The following FAM107B variants were observed in gnomAD, a reference collection of about 807,000 sequenced individuals.
FAM107B encodes the protein protein FAM107B.
A neutral mutation model predicts 31.5 loss-of-function variants in FAM107B; 21 were observed. The ratio of observed to expected loss-of-function variants is 0.67; its 90% confidence interval spans 0.47 to 0.96. The LOEUF is 0.96. Among genes scored for constraint, FAM107B ranks in the 40% least tolerant of loss-of-function variants. The pLI, the probability that FAM107B is intolerant of heterozygous loss-of-function variation, is 0.00. For missense variants in FAM107B, 452 were observed against 377.1 expected (o/e 1.20, Z -1.64); for synonymous variants, 157 against 141.5 (o/e 1.11, Z -0.78).
At chr10:14,677,445 C>T (rs1854711474) in intron 1 of FAM107B, among the ~76,000 whole-genome samples, 1 of 152,092 alleles carries the variant, frequency 6.6e-6, no homozygotes, top group Non-Finnish European at 1.5e-5. Context: ...CACACTGAAA[C>T]CCCGTCTCCA....
intron 1 of FAM107B, among the ~76,000 whole-genome samples, chr10:14,691,877 G>C (rs943685943): frequency 1.5e-5 from 2 of 137,570 alleles, no homozygotes; most frequent in African/African-American, 5.6e-5. Flanking sequence ...CTGAGCTACA[G>C]AGTGAGACTC....
chr10:14,610,497 C>A (rs1852700809), intron 2 of FAM107B, among the ~76,000 whole-genome samples: 1 of 152,200 alleles, frequency 6.6e-6, no homozygotes, highest in Non-Finnish European at 1.5e-5. Flanking sequence ...AAGATAATGC[C>A]TTTCAATAAA....
At chr10:14,556,868 C>A (rs1305349679) in intron 2 of FAM107B, among the ~76,000 whole-genome samples, 5 of 152,270 alleles carry the variant, frequency 3.3e-5, no homozygotes, top group Admixed American at 1.3e-4. Context: ...TCACTCCCCA[C>A]CTGATCTGAC....
intron 1 of FAM107B, among the ~76,000 whole-genome samples, chr10:14,697,223 C>T (rs1247740422): frequency 2.0e-5 from 3 of 152,194 alleles, no homozygotes; most frequent in African/African-American, 7.2e-5. Context: ...ATTGCCTCTG[C>T]CGCTTCATCA....
At chr10:14,680,323 T>A (rs1245806326) in intron 1 of FAM107B, among the ~76,000 whole-genome samples, 1 of 152,022 alleles carries the variant, frequency 6.6e-6, no homozygotes, top group African/African-American at 2.4e-5. Context: ...ACTGTAATTC[T>A]AGCACTTTGG....
At chr10:14,599,631 C>G (rs766108700) in intron 2 of FAM107B, among the ~76,000 whole-genome samples, 6 of 152,056 alleles carry the variant, frequency 3.9e-5, no homozygotes, top group Non-Finnish European at 7.4e-5. Flanking sequence ...AGTGAGACCC[C>G]ATCTCTACAG....
intron 1 of FAM107B, among the ~76,000 whole-genome samples, chr10:14,763,134 C>T (rs1443177143): frequency 2.0e-5 from 3 of 151,942 alleles, no homozygotes; most frequent in Admixed American, 6.6e-5. Context: ...TGGTGGCAGG[C>T]ACCTGTAATC....
At chr10:14,528,150 C>A in intron 3 of FAM107B, 1 of 170,022 alleles carries the variant, frequency 5.9e-6, no homozygotes, top group Non-Finnish European at 1.2e-5. Flanking sequence ...TTTTCATACA[C>A]GCTATTATTT....
chr10:14,728,353 T>G (rs550663154), intron 1 of FAM107B, among the ~76,000 whole-genome samples: 15 of 144,494 alleles, frequency 1.0e-4, no homozygotes, highest in African/African-American at 3.6e-4. Flanking sequence ...GTGTGTGTGC[T>G]TTTTTTTTTA....
At chr10:14,595,152 C>G (rs764652889) in intron 2 of FAM107B, among the ~76,000 whole-genome samples, 6 of 152,090 alleles carry the variant, frequency 3.9e-5, no homozygotes, top group Non-Finnish European at 5.9e-5. Context: ...TGGGGGGAGG[C>G]TGCCCACCCT....
chr10:14,711,216 A>T (rs1032493155), intron 1 of FAM107B, among the ~76,000 whole-genome samples: 3 of 152,188 alleles, frequency 2.0e-5, no homozygotes, highest in Non-Finnish European at 4.4e-5. Context: ...CGGCCATAAA[A>T]TTTTTTTAAT....
chr10:14,541,665 C>T (rs192468874), intron 2 of FAM107B, among the ~76,000 whole-genome samples: 5 of 152,336 alleles, frequency 3.3e-5, no homozygotes, highest in African/African-American at 9.6e-5. Context: ...TAATTTCCCA[C>T]GTTTCCACAC....
intron 2 of FAM107B, among the ~76,000 whole-genome samples, chr10:14,611,412 T>G (rs968481305): frequency 6.6e-6 from 1 of 150,854 alleles, no homozygotes; most frequent in African/African-American, 2.4e-5. Context: ...TCGCTCTAGA[T>G]ACAGACATTT....
At position 14,618,822 on chromosome 10, in the gene FAM107B, G is replaced by A. The variant is rs190887058; in HGVS notation, c.469+48812C>T. On this transcript the variant is annotated intron_variant, in intron 2 of 4. Transcript: ENST00000181796. ...ATTGGGTACCAGCCTGGGCGACAGAGTGAGACTGCTTAAAAAAAAAATAGT... is the reference window on the plus strand; with the variant it reads ...ATTGGGTACCAGCCTGGGCGACAGAATGAGACTGCTTAAAAAAAAAATAGT... 7.6e-4 allele frequency among the ~76,000 whole-genome samples: 116 copies of A among 151,844 alleles called. 1 individual carries two copies. Among genetic ancestry groups the A allele is most frequent in the Non-Finnish European group, 1.5e-3 (102 of 67,946 alleles).
At chr10:14,749,041 G>C (rs1832778598) in intron 1 of FAM107B, among the ~76,000 whole-genome samples, 1 of 152,164 alleles carries the variant, frequency 6.6e-6, no homozygotes, top group South Asian at 2.1e-4. Context: ...ATAAGAAAAA[G>C]AGCCAGAATG....
intron 1 of FAM107B, among the ~76,000 whole-genome samples, chr10:14,763,627 T>A (rs975833317): frequency 2.6e-5 from 4 of 152,076 alleles, no homozygotes; most frequent in Non-Finnish European, 5.9e-5. Context: ...GGGCTGTCTT[T>A]CCTAAAGACA....
rs1211629654 is a variant in FAM107B, at chr10:14,634,236, A to G, written c.469+33398T>C. ...ACGGTGAAACCCCGTCTCTACTAAA[A>G]TTACAAAAAAAAAATTAGCCAGGCG... On this transcript the variant is annotated intron_variant, in intron 2 of 4. Coordinates refer to ENST00000181796, the MANE Select transcript of FAM107B (RefSeq NM_031453.4). 2.6e-5 allele frequency among the ~76,000 whole-genome samples: 4 copies of G among 151,118 alleles called. No homozygotes were observed. In the East Asian group the frequency reaches 7.7e-4, roughly 29 times the overall value.
At chr10:14,547,294 G>A (rs779248071) in intron 2 of FAM107B, among the ~76,000 whole-genome samples, 7 of 152,152 alleles carry the variant, frequency 4.6e-5, no homozygotes, top group Non-Finnish European at 1.0e-4. Context: ...TAAATAAAAG[G>A]TCCACAAACC....
At chr10:14,577,947 C>CT (rs1190536963) in intron 2 of FAM107B, among the ~76,000 whole-genome samples, 1 of 152,112 alleles carries the variant, frequency 6.6e-6, no homozygotes, top group Non-Finnish European at 1.5e-5. Context: ...GGTGGTATGG[C>CT]TAATGCCACC....
Sources: allele counts gnomAD v4.1 joint callset (sites outside exome capture counted in the v4.1 genomes callset), GRCh38; gene constraint gnomAD v4.1.1; transcripts MANE v1.5; gene names NCBI Gene and HGNC (gene_info 2026-07-23, HGNC 2026-07-21).